ZNF467: variants seen among roughly 807,000 people sequenced by gnomAD.
ZNF467 encodes zinc finger protein EZI.
A neutral mutation model predicts 47.8 loss-of-function variants in ZNF467; 51 were observed. The ratio of observed to expected loss-of-function variants is 1.07; its 90% CI spans 0.85 to 1.35. ZNF467 has a LOEUF of 1.35. Among genes scored for constraint, ZNF467 ranks in the 40% most tolerant of loss-of-function variants. The pLI is 0.00. For missense variants in ZNF467, 992 were observed against 858.1 expected (o/e 1.16, Z -1.95); for synonymous variants, 416 against 372.9 (o/e 1.12, Z -1.33).
In ZNF467 at chr7:149,765,072, T is replaced by C. The variant is rs976320215; in HGVS notation, c.1430A>G (p.His477Arg). 1.4e-6 allele frequency: 2 copies of C among 1,481,326 alleles called. No homozygotes were observed. The highest frequency in any genetic ancestry group is 1.8e-6 in the Non-Finnish European group (2 of 1,121,378). 91.8% of individuals were successfully genotyped at this position (1,481,326 alleles called of 1,614,324 possible). ...RFGSRPNLVA[H>R]SRAHSGARPF... ...CCTGGCGCCGCTGTGGGCCCTGGAG[T>C]GGGCGACCAGATTAGGCCGCGAGCC... Residue 477 changes from histidine to arginine, a missense_variant, in exon 5 of 5, where the codon CAC (histidine) becomes CGC (arginine). Physicochemically the swap from His to Arg is conservative, Grantham distance 29 (BLOSUM62 0). Transcript: ENST00000302017.
rs1211589001 is a variant in ZNF467 at position 149,766,063 on chromosome 7, G to A, written c.439C>T (p.Leu147Phe). Residue 147 changes from leucine (L) to phenylalanine (F), a missense_variant, in exon 5 of 5, where the codon CTC (leucine) becomes TTC (phenylalanine). Transcript: ENST00000302017. ...EPGAPGALSG[L>F]ALSGWGPMPE... ...ATCGGACCCCACCCAGACAGCGCGA[G>A]CCCACTCAGTGCCCCCGGGGCCCCT... The A allele has an allele frequency of 1.9e-5, 30 of 1,609,256 alleles. No individual in the cohort carries two copies. The East Asian group carries it at 6.5e-4, about 35-fold the overall frequency.
Position 149,765,730 on chromosome 7 carries a change from G to A in ZNF467, c.772C>T (p.His258Tyr). 6.2e-7 allele frequency: 1 copy of A among 1,613,568 alleles called. No individual in the cohort carries two copies. ...ECGKRFSQKI[H>Y]LGSHQKTHTG... ...TGGGTCTTTTGGTGCGAGCCCAGGT[G>A]GATCTTCTGGCTGAAGCGCTTGCCG... The change falls in exon 5 of 5, where the codon CAC (histidine) becomes TAC (tyrosine). Residue 258 changes from histidine (H) to tyrosine (Y), a missense_variant. Physicochemically the swap from His to Tyr is moderately conservative, Grantham distance 83. Coordinates refer to ENST00000302017, the MANE Select transcript of ZNF467 (RefSeq NM_207336.3).
At position 149,771,057 on chromosome 7, in the gene ZNF467, G is replaced by A. The variant is rs367650450; in HGVS notation, c.-25C>T. The stretch of plus-strand genomic sequence containing the variant: ...TGGTAACCCAGAGTAGCTCCTCCTG[G>A]GGATCAGGCCACAGAACCTATGGAG... On this transcript the variant is annotated 5_prime_UTR_variant, in exon 2 of 5. Transcript: ENST00000302017. 2.0e-5 allele frequency: 32 copies of A among 1,613,956 alleles called. No homozygotes were observed. Among genetic ancestry groups the A allele is most frequent in the Non-Finnish European group, 2.6e-5 (31 of 1,179,930 alleles).
In ZNF467 at chr7:149,764,312, C is replaced by CCGTATCAT; in HGVS notation, c.*401_*402insATGATACG. Reference sequence around the variant, plus strand: ...TGTGTGGATGGAGGTGGGACAGTGGCTAAGGAGAGTCAGGTGTTCCCTCCC... The same window carrying CCGTATCAT: ...TGTGTGGATGGAGGTGGGACAGTGGCCGTATCATTAAGGAGAGTCAGGTGTTCCCTCCC... On this transcript the variant is annotated 3_prime_UTR_variant, in exon 5 of 5. Coordinates refer to ENST00000302017, the MANE Select transcript of ZNF467 (RefSeq NM_207336.3). The CCGTATCAT allele has an allele frequency of 6.7e-6, 3 of 447,148 alleles. No homozygotes were observed. The highest frequency in any genetic ancestry group is 4.9e-5 in the South Asian group (1 of 20,412). The allele number at this position is 447,148 out of a possible 1,614,324, so 27.7% of individuals were successfully genotyped here. A position where few individuals can be genotyped will look rare whatever the true frequency, so the allele number is the denominator to read the frequency against.
chr7:149,774,728 G>A (rs993074197), upstream of ZNF467, among the ~76,000 whole-genome samples: 8 of 152,170 alleles, frequency 5.3e-5, no homozygotes, highest in South Asian at 2.1e-4. The surrounding 1 kb of genome is among the most constrained non-coding windows in gnomAD (Gnocchi z 5.7). Flanking sequence ...AAACAGGAAA[G>A]GGGGGTGTCT....
At chr7:149,770,910 C>T in intron 2 of ZNF467, 89 bp downstream of exon 2, 6 of 1,563,862 alleles carry the variant, frequency 3.8e-6, no homozygotes, top group Non-Finnish European at 4.4e-6. Flanking sequence ...GGGTTGCAGC[C>T]TCCTGAGGGT....
chr7:149,771,548 T>C (rs1799407276), intron 1 of ZNF467, among the ~76,000 whole-genome samples: 1 of 151,986 alleles, frequency 6.6e-6, no homozygotes, highest in South Asian at 2.1e-4. Flanking sequence ...ACTTTAGGGG[T>C]ACTGCTTGGG....
At chr7:149,772,288 C>G (rs1479718504) in intron 1 of ZNF467, among the ~76,000 whole-genome samples, 2 of 36,956 alleles carry the variant, frequency 5.4e-5, no homozygotes, top group African/African-American at 2.9e-4. Flanking sequence ...CTCTCCTTCC[C>G]CTCCGAGGCC....
rs1158557185 is a variant in ZNF467, at chr7:149,765,754, C to T, written c.748G>A (p.Gly250Ser). The change falls in exon 5 of 5, where the codon GGC (glycine) becomes AGC (serine). Residue 250 changes from glycine (G) to serine (S), a missense_variant. Coordinates refer to ENST00000302017, the MANE Select transcript of ZNF467 (RefSeq NM_207336.3). ...GERPYPCAEC[G>S]KRFSQKIHLG... The stretch of plus-strand genomic sequence containing the variant: ...TGGATCTTCTGGCTGAAGCGCTTGC[C>T]GCACTCCGCGCACGGGTAGGGCCGC... 1.2e-6 allele frequency: 2 copies of T among 1,612,850 alleles called. No individual in the cohort carries two copies. The highest frequency in any genetic ancestry group is 1.7e-6 in the Non-Finnish European group (2 of 1,179,582).
Position 149,770,431 on chromosome 7 carries a change from G to T in ZNF467, c.151+9C>A. The stretch of plus-strand genomic sequence containing the variant: ...CTCCCTGAGCCTTTCCAGGGTTCCT[G>T]TTACCTACCTGAGCACACCCCCAGT... On this transcript the variant is annotated intron_variant, in intron 3 of 4. Coordinates refer to ENST00000302017, the MANE Select transcript of ZNF467 (RefSeq NM_207336.3). The T allele has an allele frequency of 6.3e-7, 1 of 1,599,684 alleles. No individual in the cohort carries two copies.
intron 1 of ZNF467, among the ~76,000 whole-genome samples, chr7:149,771,886 C>G (rs921356626): frequency 4.6e-5 from 7 of 150,774 alleles, no homozygotes; most frequent in Admixed American, 2.0e-4. Flanking sequence ...GGGCCAACCC[C>G]TCGAGGCCCC....
Position 149,764,982 on chromosome 7 carries a change from G to T in ZNF467, c.1520C>A (p.Ala507Glu). ...SRKSHLGRHQAVHTGSRPHAC... is the reference protein window; with the variant it reads ...SRKSHLGRHQEVHTGSRPHAC... ...GTGGGGGCGGCTGCCAGTGTGCACCGCCTGGTGGCGGCCCAGGTGCGACTT... is the reference window on the plus strand; with the variant it reads ...GTGGGGGCGGCTGCCAGTGTGCACCTCCTGGTGGCGGCCCAGGTGCGACTT... Residue 507 changes from alanine to glutamate, a missense_variant, in exon 5 of 5, where the codon GCG becomes GAG. Coordinates refer to ENST00000302017, the MANE Select transcript of ZNF467 (RefSeq NM_207336.3). The T allele has an allele frequency of 6.3e-7, 1 of 1,591,698 alleles. No homozygotes were observed. The highest frequency in any genetic ancestry group is 8.5e-7 in the Non-Finnish European group (1 of 1,174,826).
Position 149,769,041 on chromosome 7 carries a change from G to T in ZNF467, c.262+49C>A, listed in dbSNP as rs969592123. On this transcript the variant is annotated intron_variant, in intron 4 of 4. Coordinates refer to ENST00000302017, the MANE Select transcript of ZNF467 (RefSeq NM_207336.3). The surrounding 1 kb of genome is among the most constrained non-coding windows in gnomAD (Gnocchi z 5.3). Reference sequence around the variant, plus strand: ...GCAGCTCCGGAGCTTGCTGGGCCCCGTTCCCTTGGCCTGAGCCCGTGGTGG... The same window carrying T: ...GCAGCTCCGGAGCTTGCTGGGCCCCTTTCCCTTGGCCTGAGCCCGTGGTGG... 1.4e-6 allele frequency: 2 copies of T among 1,473,592 alleles called. No homozygotes were observed. Among genetic ancestry groups the T allele is most frequent in the Non-Finnish European group, 9.1e-7 (1 of 1,099,974 alleles). 91.3% of individuals were successfully genotyped at this position (1,473,592 alleles called of 1,614,324 possible).
rs1456019110 is a variant in ZNF467, at chr7:149,770,529, G to C, written c.62C>G (p.Ala21Gly). Reference protein sequence around the residue: ...LGFSVGQPEMAPQSEPREGSH... With the variant: ...LGFSVGQPEMGPQSEPREGSH... ...TCCTTCCCTGGGCTCACTTTGGGGGGCCATCTCTGGCTGTCCCACAGAGAA... is the reference window on the plus strand; with the variant it reads ...TCCTTCCCTGGGCTCACTTTGGGGGCCCATCTCTGGCTGTCCCACAGAGAA... Residue 21 changes from alanine (A) to glycine (G), a missense_variant, in exon 3 of 5, where the codon GCC (alanine) becomes GGC (glycine). Coordinates refer to ENST00000302017, the MANE Select transcript of ZNF467 (RefSeq NM_207336.3). 6.2e-7 allele frequency: 1 copy of C among 1,613,436 alleles called. No homozygotes were observed. Among genetic ancestry groups the C allele is most frequent in the Admixed American group, 1.7e-5 (1 of 59,940 alleles).
intron 1 of ZNF467, among the ~76,000 whole-genome samples, chr7:149,771,869 C>T (rs941549602): frequency 6.7e-6 from 1 of 149,420 alleles, no homozygotes; most frequent in Non-Finnish European, 1.5e-5. Flanking sequence ...CCCGCCCGAG[C>T]CCGGCAGGGC....
At position 149,765,903 on chromosome 7, in the gene ZNF467, C is replaced by A. The variant is rs1324141640; in HGVS notation, c.599G>T (p.Arg200Leu). ...GCGCTGATGCAGTAGCATGTGGGCGCGCTGCGTGAAGCTGCGGCCGCAGTC... is the reference window on the plus strand; with the variant it reads ...GCGCTGATGCAGTAGCATGTGGGCGAGCTGCGTGAAGCTGCGGCCGCAGTC... ...CPDCGRSFTQ[R>L]AHMLLHQRSH... The change falls in exon 5 of 5, where the codon CGC (arginine) becomes CTC (leucine). Residue 200 changes from arginine to leucine, a missense_variant. Physicochemically the swap from Arg to Leu is moderately radical, Grantham distance 102. Coordinates refer to ENST00000302017, the MANE Select transcript of ZNF467 (RefSeq NM_207336.3). 6.4e-7 allele frequency: 1 copy of A among 1,574,670 alleles called. No individual in the cohort carries two copies. The highest frequency in any genetic ancestry group is 1.8e-5 in the Admixed American group (1 of 54,462).
rs776601401 is a variant in ZNF467, at chr7:149,764,951, G to A, written c.1551C>T (p.Cys517=). Residue 517 remains cysteine, a synonymous_variant, in exon 5 of 5, where the codon TGC becomes TGT. Transcript: ENST00000302017. ...AGCTGAAGCTGCGGGCGCAGACGGC[G>A]CAGGCGTGGGGGCGGCTGCCAGTGT... The part of the protein sequence containing the change: ...AVHTGSRPHA[C]AVCARSFSSK... 1 of 1,585,100 alleles carries A rather than the reference G, an allele frequency of 6.3e-7. No individual in the cohort carries two copies. Among genetic ancestry groups the A allele is most frequent in the South Asian group, 1.1e-5 (1 of 89,964 alleles).
At position 149,764,290 on chromosome 7, in the gene ZNF467, G is replaced by A. The variant is rs1799068135; in HGVS notation, c.*424C>T. On this transcript the variant is annotated 3_prime_UTR_variant, in exon 5 of 5. Coordinates refer to ENST00000302017, the MANE Select transcript of ZNF467 (RefSeq NM_207336.3). ...GGAAGTGGAGGGGGGTGGTCTGTGT[G>A]TGGATGGAGGTGGGACAGTGGCTAA... 2.1e-6 allele frequency: 1 copy of A among 480,380 alleles called. No individual in the cohort carries two copies. The highest frequency in any genetic ancestry group is 4.0e-5 in the Admixed American group (1 of 25,162). The allele number at this position is 480,380 out of a possible 1,614,324, so 29.8% of individuals were successfully genotyped here. A position where few individuals can be genotyped will look rare whatever the true frequency, so the allele number is the denominator to read the frequency against.
rs1799193524 is a variant in ZNF467, at chr7:149,765,902, G to A, written c.600C>T (p.Arg200=). The A allele has an allele frequency of 5.7e-6, 9 of 1,575,172 alleles. No individual in the cohort carries two copies. Among genetic ancestry groups the A allele is most frequent in the Non-Finnish European group, 7.7e-6 (9 of 1,161,428 alleles). Residue 200 remains arginine (R), a synonymous_variant, in exon 5 of 5, where the codon CGC becomes CGT. Transcript: ENST00000302017. ...TGCGCTGATGCAGTAGCATGTGGGC[G>A]CGCTGCGTGAAGCTGCGGCCGCAGT... The part of the protein sequence containing the change: ...CPDCGRSFTQ[R]AHMLLHQRSH...
Sources: allele counts gnomAD v4.1 joint callset (sites outside exome capture counted in the v4.1 genomes callset), GRCh38; gene constraint gnomAD v4.1.1; non-coding constraint Gnocchi (gnomAD v3.1); transcripts MANE v1.5; gene names NCBI Gene and HGNC (gene_info 2026-07-23, HGNC 2026-07-21).